The following AGBL4 variants were observed in gnomAD, a reference collection of about 807,000 sequenced individuals.
AGBL4 encodes the protein cytosolic carboxypeptidase 6.
In AGBL4, 58 loss-of-function variants were observed where a neutral mutation model predicts 66.4. The observed-to-expected ratio is 0.87, with a 90% CI of 0.71 to 1.09. The LOEUF is 1.09. Ranked by LOEUF, AGBL4 falls within the 50% of genes least tolerant of loss-of-function variation. AGBL4 has a pLI of 0.00. For missense variants in AGBL4, 579 were observed against 631.0 expected (o/e 0.92, Z 0.88); for synonymous variants, 234 against 222.9 (o/e 1.05, Z -0.44).
intron 3 of AGBL4, among the ~76,000 whole-genome samples, chr1:49,528,997 C>T (rs1650887446): frequency 6.6e-6 from 1 of 151,896 alleles, no homozygotes; most frequent in African/African-American, 2.4e-5. Flanking sequence ...TTAAACACTA[C>T]AAAGTCATTA....
chr1:49,023,799 T>C (rs1663428640), intron 5 of AGBL4, among the ~76,000 whole-genome samples: 1 of 152,204 alleles, frequency 6.6e-6, no homozygotes. Context: ...CATCTAAAAC[T>C]GTACCCTTCT....
At chr1:49,011,888 G>A (rs1358714594) in intron 5 of AGBL4, among the ~76,000 whole-genome samples, 1 of 24,446 alleles carries the variant, frequency 4.1e-5, no homozygotes, top group Non-Finnish European at 1.2e-4. Flanking sequence ...TTGTGGGGTG[G>A]GGGGTGGGGG....
intron 2 of AGBL4, chr1:49,845,745 C>G (rs1646124858): frequency 2.5e-6 from 4 of 1,588,096 alleles, no homozygotes; most frequent in Admixed American, 1.7e-5. Context: ...GAGAGAAGCC[C>G]TATGGATGCA....
intron 3 of AGBL4, among the ~76,000 whole-genome samples, chr1:49,251,792 C>T (rs1354574869): frequency 6.6e-6 from 1 of 152,190 alleles, no homozygotes; most frequent in Non-Finnish European, 1.5e-5. Flanking sequence ...AGTTAGAGCA[C>T]ACAGTCCAGG....
intron 3 of AGBL4, among the ~76,000 whole-genome samples, chr1:49,521,623 G>T (rs1010234206): frequency 2.0e-5 from 3 of 151,892 alleles, no homozygotes; most frequent in African/African-American, 7.3e-5. Flanking sequence ...GAATAAAAAT[G>T]GACCCCTATC....
chr1:49,926,507 T>C (rs368516678), intron 1 of AGBL4, among the ~76,000 whole-genome samples: 33 of 152,066 alleles, frequency 2.2e-4, no homozygotes, highest in African/African-American at 7.5e-4. Flanking sequence ...TCCACAACAT[T>C]AAAACCATCC....
chr1:49,379,136 G>A (rs1644536660), intron 3 of AGBL4, among the ~76,000 whole-genome samples: 1 of 152,020 alleles, frequency 6.6e-6, no homozygotes, highest in Non-Finnish European at 1.5e-5. Flanking sequence ...GCATTTGCAG[G>A]CTGAGGCTTC....
intron 2 of AGBL4, among the ~76,000 whole-genome samples, chr1:49,752,579 A>G (rs1277486916): frequency 6.6e-6 from 1 of 152,158 alleles, no homozygotes. Context: ...GTAGACGTCT[A>G]TTGGGTCCAC....
chr1:48,546,332 C>T (rs115931568), intron 11 of AGBL4, among the ~76,000 whole-genome samples: 67 of 152,262 alleles, frequency 4.4e-4, no homozygotes, highest in African/African-American at 1.6e-3. Flanking sequence ...TGAGTGTAAT[C>T]ATAAATTCAA....
intron 1 of AGBL4, among the ~76,000 whole-genome samples, chr1:49,982,629 G>A (rs1457191126): frequency 6.6e-6 from 1 of 152,210 alleles, no homozygotes; most frequent in Admixed American, 6.5e-5. Flanking sequence ...CAGGCTGCCA[G>A]TCCCGTGGAC....
intron 4 of AGBL4, among the ~76,000 whole-genome samples, chr1:49,221,558 T>G (rs1649497506): frequency 3.3e-5 from 5 of 152,220 alleles, no homozygotes; most frequent in Admixed American, 3.3e-4. Flanking sequence ...GAACTTCTCT[T>G]GCATAATATT....
chr1:49,258,330 A>G (rs893468857), intron 3 of AGBL4, among the ~76,000 whole-genome samples: 2 of 152,254 alleles, frequency 1.3e-5, no homozygotes, highest in Non-Finnish European at 2.9e-5. Context: ...AGTTGAGAGA[A>G]GAAGGCTTCA....
chr1:48,964,933 G>A (rs991562318), intron 5 of AGBL4, among the ~76,000 whole-genome samples: 2 of 152,038 alleles, frequency 1.3e-5, no homozygotes, highest in African/African-American at 2.4e-5. Context: ...GTTTGTTGAT[G>A]GTAAAGCCAG....
chr1:49,063,095 G>A (rs1371056879), intron 4 of AGBL4, among the ~76,000 whole-genome samples: 2 of 152,094 alleles, frequency 1.3e-5, no homozygotes, highest in Non-Finnish European at 2.9e-5. Flanking sequence ...CTGAAATTTG[G>A]AAATCAGAAG....
At chr1:49,221,169 TA>T (rs903501818) in intron 4 of AGBL4, among the ~76,000 whole-genome samples, 9 of 152,080 alleles carry the variant, frequency 5.9e-5, no homozygotes, top group African/African-American at 2.2e-4. Flanking sequence ...CTATATGGCA[TA>T]AAGGGCAAAC....
chr1:49,072,789 G>T (rs1389209517), intron 4 of AGBL4, among the ~76,000 whole-genome samples: 2 of 152,162 alleles, frequency 1.3e-5, no homozygotes, highest in Admixed American at 1.3e-4. Context: ...ATGTTGGCCT[G>T]CCTTGCTAGG....
At chr1:49,736,614 A>G (rs539169623) in intron 2 of AGBL4, among the ~76,000 whole-genome samples, 1 of 152,122 alleles carries the variant, frequency 6.6e-6, no homozygotes, top group Admixed American at 6.5e-5. Flanking sequence ...TTGACAATGA[A>G]TTTTTGGCTA....
chr1:49,101,288 A>C (rs1433256479), intron 4 of AGBL4, among the ~76,000 whole-genome samples: 1 of 151,808 alleles, frequency 6.6e-6, no homozygotes, highest in Non-Finnish European at 1.5e-5. Flanking sequence ...CCCAGGTTCA[A>C]TCTATTCTTG....
intron 5 of AGBL4, among the ~76,000 whole-genome samples, chr1:48,951,499 G>C (rs1203490632): frequency 6.6e-6 from 1 of 152,108 alleles, no homozygotes; most frequent in Non-Finnish European, 1.5e-5. Flanking sequence ...GATAGTATTA[G>C]GAAGTAGGAA....
Sources: gnomAD v4.1 joint callset for allele counts (sites outside exome capture counted in the v4.1 genomes callset) on GRCh38, gnomAD v4.1.1 for gene constraint, MANE v1.5 for transcripts, NCBI Gene and HGNC (gene_info 2026-07-23, HGNC 2026-07-21) for gene names.